Variants in MOB3B observed in about 807,000 individuals in gnomAD.
The protein encoded by MOB3B is MOB kinase activator-like 2B.
Under a neutral mutation model 18.7 loss-of-function variants are expected in MOB3B, and 7 were observed. That is an observed-to-expected ratio of 0.37 (90% confidence interval 0.21 to 0.70). The LOEUF is 0.70. Among genes scored for constraint, MOB3B ranks in the 30% least tolerant of loss-of-function variants. MOB3B has a pLI of 0.52. For synonymous variants in MOB3B, 111 were observed against 99.9 expected (o/e 1.11, Z -0.66); for missense variants, 253 against 281.3 (o/e 0.90, Z 0.72).
chr9:27,503,692 T>C (rs932194031), intron 1 of MOB3B, among the ~76,000 whole-genome samples: 1 of 152,246 alleles, frequency 6.6e-6, no homozygotes, highest in African/African-American at 2.4e-5. Flanking sequence ...TAATGTGCCA[T>C]CAGATTCCTT....
intron 2 of MOB3B, among the ~76,000 whole-genome samples, chr9:27,365,162 C>CAAAGAAAAAAAAAAAA (rs1821324744): frequency 9.1e-6 from 1 of 109,790 alleles, no homozygotes; most frequent in Admixed American, 1.0e-4. Flanking sequence ...TTGGGGGAGG[C>CAAAGAAAAAAAAAAAA]AAAAAAAAAA....
intron 1 of MOB3B, among the ~76,000 whole-genome samples, chr9:27,487,964 A>T (rs576537792): frequency 1.3e-5 from 2 of 152,286 alleles, no homozygotes; most frequent in East Asian, 3.9e-4. Context: ...GAAATAACCT[A>T]TTGGGACAAT....
At chr9:27,513,302 C>T (rs1820173675) in intron 1 of MOB3B, among the ~76,000 whole-genome samples, 1 of 152,122 alleles carries the variant, frequency 6.6e-6, no homozygotes, top group East Asian at 1.9e-4. Context: ...GTCACCATGA[C>T]TCTCCCCAGG....
intron 2 of MOB3B, among the ~76,000 whole-genome samples, chr9:27,402,192 A>G (rs1821895448): frequency 6.6e-6 from 1 of 152,244 alleles, no homozygotes; most frequent in African/African-American, 2.4e-5. Flanking sequence ...AATAGTCAAT[A>G]AACGGTAAAC....
At chr9:27,372,215 A>G (rs1821426575) in intron 2 of MOB3B, among the ~76,000 whole-genome samples, 1 of 152,188 alleles carries the variant, frequency 6.6e-6, no homozygotes, top group African/African-American at 2.4e-5. Context: ...ACACAATGAC[A>G]GGGGCGTAGG....
At chr9:27,504,920 C>T (rs1820036799) in intron 1 of MOB3B, among the ~76,000 whole-genome samples, 1 of 152,160 alleles carries the variant, frequency 6.6e-6, no homozygotes, top group Admixed American at 6.5e-5. Context: ...TGCCTGCATT[C>T]CTTGACTTGT....
chr9:27,395,088 G>C (rs1013723713), intron 2 of MOB3B, among the ~76,000 whole-genome samples: 1 of 152,176 alleles, frequency 6.6e-6, no homozygotes, highest in African/African-American at 2.4e-5. Context: ...TACTTTGTTT[G>C]GGGGGTGGAG....
intron 2 of MOB3B, among the ~76,000 whole-genome samples, chr9:27,410,859 T>C (rs1307945975): frequency 6.6e-6 from 1 of 152,252 alleles, no homozygotes; most frequent in African/African-American, 2.4e-5. Flanking sequence ...TATAGCTATA[T>C]GAATCACACT....
At chr9:27,494,218 C>CGA (rs1319663600) in intron 1 of MOB3B, among the ~76,000 whole-genome samples, 1 of 152,110 alleles carries the variant, frequency 6.6e-6, no homozygotes, top group East Asian at 1.9e-4. Context: ...CAATGGTGCC[C>CGA]GAAACTTCAT....
At position 27,349,045 on chromosome 9, in the gene MOB3B, C is replaced by A. The variant is rs868024453; in HGVS notation, c.621+9989G>T. 4.1e-3 allele frequency among the ~76,000 whole-genome samples: 506 copies of A among 123,854 alleles called. 4 individuals are homozygous for A. The highest frequency in any genetic ancestry group is 0.025 in the African/African-American group (468 of 18,854). The allele number at this position is 123,854 out of a possible 152,430, so 81.3% of individuals were successfully genotyped here. On this transcript the variant is annotated intron_variant, in intron 3 of 3. Coordinates refer to ENST00000262244, the MANE Select transcript of MOB3B (RefSeq NM_024761.5). ...GTTCCCTATGGAGCTATCTGCATAT[C>A]TCTTTCTTCTTCCAGATCTGCCTCC...
At chr9:27,440,112 C>G (rs1563869104) in intron 2 of MOB3B, among the ~76,000 whole-genome samples, 1 of 152,304 alleles carries the variant, frequency 6.6e-6, no homozygotes, top group African/African-American at 2.4e-5. Context: ...TGGTCTCACC[C>G]TAGCAGTAAA....
At chr9:27,436,068 C>T (rs1296383622) in intron 2 of MOB3B, among the ~76,000 whole-genome samples, 6 of 152,168 alleles carry the variant, frequency 3.9e-5, no homozygotes, top group Admixed American at 2.0e-4. Flanking sequence ...TGTTCTACCC[C>T]GCTACCCAGA....
At chr9:27,460,910 A>T (rs921082112) in intron 1 of MOB3B, among the ~76,000 whole-genome samples, 2 of 152,178 alleles carry the variant, frequency 1.3e-5, no homozygotes, top group African/African-American at 2.4e-5. Flanking sequence ...AGAGGAACCA[A>T]AGTGGATCTC....
chr9:27,472,892 A>G (rs1427236941), intron 1 of MOB3B, among the ~76,000 whole-genome samples: 1 of 152,252 alleles, frequency 6.6e-6, no homozygotes, highest in Non-Finnish European at 1.5e-5. Context: ...TTCCGCAAAC[A>G]CAAGTTAAGA....
At chr9:27,483,145 T>G (rs1819686013) in intron 1 of MOB3B, among the ~76,000 whole-genome samples, 1 of 142,980 alleles carries the variant, frequency 7.0e-6, no homozygotes, top group African/African-American at 2.7e-5. Context: ...TTTTTTTTTT[T>G]TTTTTGAGAC....
chr9:27,403,610 G>A (rs1039156457), intron 2 of MOB3B, among the ~76,000 whole-genome samples: 53 of 133,426 alleles, frequency 4.0e-4, no homozygotes, highest in African/African-American at 1.5e-3. Flanking sequence ...TCAGCTCACT[G>A]CAACCTCCAC....
At chr9:27,512,930 T>G (rs2764324) in intron 1 of MOB3B, among the ~76,000 whole-genome samples, 142,184 of 152,224 alleles carry the variant, frequency 0.93, 66,960 homozygotes, top group East Asian at 1. Context: ...TACATCAGGG[T>G]ATACTCTAAG....
intron 2 of MOB3B, among the ~76,000 whole-genome samples, chr9:27,431,178 A>T (rs934762200): frequency 2.6e-5 from 4 of 152,210 alleles, no homozygotes; most frequent in African/African-American, 9.6e-5. Context: ...TCAAAGGAGG[A>T]GAAGCTAGAT....
At position 27,326,701 on chromosome 9, in the gene MOB3B, A is replaced by C. The variant is rs1820716593; in HGVS notation, c.*3886T>G. ...CTGAGACTCTGGGTCTTTGGAAATG[A>C]GAAAATACCCAGGGAAGAGAAAACG... On this transcript the variant is annotated 3_prime_UTR_variant, in exon 4 of 4. Coordinates refer to ENST00000262244, the MANE Select transcript of MOB3B (RefSeq NM_024761.5). 2.5e-6 allele frequency: 1 copy of C among 397,604 alleles called. No homozygotes were observed. 24.6% of individuals were successfully genotyped at this position (397,604 alleles called of 1,614,324 possible).
Sources: allele counts gnomAD v4.1 joint callset (sites outside exome capture counted in the v4.1 genomes callset), GRCh38; gene constraint gnomAD v4.1.1; transcripts MANE v1.5; gene names NCBI Gene and HGNC (gene_info 2026-07-23, HGNC 2026-07-21).